The following HNRNPC variants were observed in gnomAD, a reference collection of about 807,000 sequenced individuals.
The protein encoded by HNRNPC is heterogeneous nuclear ribonucleoprotein C.
In HNRNPC, 3 loss-of-function variants were observed where a neutral mutation model predicts 33.2. The ratio of observed to expected loss-of-function variants is 0.09; its 90% confidence interval spans 0.04 to 0.23. The LOEUF is 0.23. Ranked by LOEUF, HNRNPC falls within the 10% of genes least tolerant of loss-of-function variation. The probability of loss-of-function intolerance (pLI) is 1.00; values close to 1 mark genes in which losing one functional copy is unlikely to be tolerated. For synonymous variants in HNRNPC, 121 were observed against 126.7 expected, an observed-to-expected ratio of 0.96 and a Z score of 0.30; for missense variants, 143 against 366.7, an observed-to-expected ratio of 0.39 and a Z score of 4.98.
At chr14:21,225,491 A>G (rs959288641) in intron 5 of HNRNPC, among the ~76,000 whole-genome samples, 1 of 152,022 alleles carries the variant, frequency 6.6e-6, no homozygotes, top group African/African-American at 2.4e-5. Context: ...AGCTGACAGT[A>G]AATCAGTCTC....
At chr14:21,215,233 G>A (rs1041908663) in intron 5 of HNRNPC, among the ~76,000 whole-genome samples, 2 of 152,150 alleles carry the variant, frequency 1.3e-5, no homozygotes, top group African/African-American at 4.8e-5. Flanking sequence ...ATTCACATCT[G>A]AGGAAGTAGT....
chr14:21,247,516 TTTAG>T (rs752073760), intron 2 of HNRNPC, among the ~76,000 whole-genome samples: 27 of 152,178 alleles, frequency 1.8e-4, no homozygotes, highest in Admixed American at 3.3e-4. Flanking sequence ...TATACTCTGG[TTTAG>T]TTTTCTATTT....
At chr14:21,244,413 CTAAT>C (rs1895715278) in intron 2 of HNRNPC, among the ~76,000 whole-genome samples, 1 of 152,212 alleles carries the variant, frequency 6.6e-6, no homozygotes, top group African/African-American at 2.4e-5. Flanking sequence ...ATGTAAAAAA[CTAAT>C]TCATGTCATT....
intron 2 of HNRNPC, among the ~76,000 whole-genome samples, chr14:21,239,898 C>A (rs570045237): frequency 3.9e-5 from 6 of 151,984 alleles, no homozygotes; most frequent in Admixed American, 3.3e-4. Flanking sequence ...ACAAAAAAAG[C>A]GGAAAAATAG....
chr14:21,211,659 C>T, intron 7 of HNRNPC, 93 bp from the exon 8 acceptor site: 2 of 1,475,650 alleles, frequency 1.4e-6, no homozygotes, highest in East Asian at 4.7e-5. Flanking sequence ...CAGCACAAAT[C>T]TAAATCCTCC....
intron 2 of HNRNPC, among the ~76,000 whole-genome samples, chr14:21,235,855 GA>G (rs1417845004): frequency 1.3e-5 from 2 of 152,016 alleles, no homozygotes; most frequent in African/African-American, 4.8e-5. Flanking sequence ...GGTTTAATGA[GA>G]AGAAATTACC....
At chr14:21,228,761 T>C (rs1257901660) in intron 5 of HNRNPC, among the ~76,000 whole-genome samples, 1 of 151,932 alleles carries the variant, frequency 6.6e-6, no homozygotes, top group African/African-American at 2.4e-5. Context: ...AACTCCTTAG[T>C]TTTCAAAATG....
intron 2 of HNRNPC, among the ~76,000 whole-genome samples, chr14:21,238,559 A>T (rs1463313030): frequency 6.6e-6 from 1 of 152,216 alleles, no homozygotes; most frequent in Non-Finnish European, 1.5e-5. Context: ...ATTCCTTAAA[A>T]CAGAAAATCC....
intron 6 of HNRNPC, among the ~76,000 whole-genome samples, chr14:21,212,366 A>T (rs1313660686): frequency 1.3e-5 from 2 of 151,658 alleles, no homozygotes; most frequent in African/African-American, 4.8e-5. Context: ...TAGAAAAGTT[A>T]AAAAAAATCA....
chr14:21,222,765 G>A (rs1172994198), intron 5 of HNRNPC, among the ~76,000 whole-genome samples: 1 of 152,046 alleles, frequency 6.6e-6, no homozygotes, highest in Non-Finnish European at 1.5e-5. Flanking sequence ...CTTGTGGCAG[G>A]CGCCTGTAGT....
rs542317732 is a variant in HNRNPC, at chr14:21,209,258, C to G, written c.*1965G>C. 7.2e-5 allele frequency: 11 copies of G among 152,236 alleles called. No homozygotes were observed. Among genetic ancestry groups the G allele is most frequent in the African/African-American group, 2.4e-4 (10 of 41,560 alleles). 9.4% of individuals were successfully genotyped at this position (152,236 alleles called of 1,614,324 possible). ...TTTATGTAAGGGACTTGAACATCTG[C>G]AGATTGTGGTGTTCACAGCTAAACA... On this transcript the variant is annotated 3_prime_UTR_variant, in exon 9 of 9. Transcript: ENST00000553300.
In HNRNPC at chr14:21,238,965, A is replaced by G. The variant is rs534446071; in HGVS notation, c.-36-4736T>C. ...AACATGGTGAAACCCCATCTCTACT[A>G]AAAATACAAAAATCAGCCATGCGTG... is the stretch of plus-strand genomic sequence containing the variant. On this transcript the variant is annotated intron_variant, in intron 2 of 8. Transcript: ENST00000553300. Among the ~76,000 whole-genome samples, 4 of 152,240 alleles carry G rather than the reference A, an allele frequency of 2.6e-5. No individual in the cohort carries two copies. In the East Asian group the frequency reaches 5.8e-4, roughly 22 times the overall value.
rs868159654 is a variant in HNRNPC, at chr14:21,209,781, G to A, written c.*1442C>T. On this transcript the variant is annotated 3_prime_UTR_variant, in exon 9 of 9. Transcript: ENST00000553300. ...GTTTGTGTGCACAAAAATTATAAGC[G>A]GCATTTTCTGCTATGCTGGAAAAAC... is the stretch of plus-strand genomic sequence containing the variant. The A allele has an allele frequency of 1.3e-5, 2 of 152,056 alleles. No homozygotes were observed. The highest frequency in any genetic ancestry group is 4.8e-5 in the African/African-American group (2 of 41,382). 9.4% of individuals were successfully genotyped at this position (152,056 alleles called of 1,614,324 possible). A position where few individuals can be genotyped will look rare whatever the true frequency, so the allele number is the denominator to read the frequency against.
At chr14:21,240,965 T>C (rs559830723) in intron 2 of HNRNPC, among the ~76,000 whole-genome samples, 2 of 152,246 alleles carry the variant, frequency 1.3e-5, no homozygotes, top group East Asian at 1.9e-4. Flanking sequence ...TTTCCTTTAT[T>C]ACTGTATCTT....
chr14:21,226,921 C>T (rs971782263), intron 5 of HNRNPC, among the ~76,000 whole-genome samples: 4 of 144,786 alleles, frequency 2.8e-5, no homozygotes, highest in Admixed American at 7.0e-5. Context: ...GTGATTTTTA[C>T]TCCGATTTAC....
intron 1 of HNRNPC, among the ~76,000 whole-genome samples, chr14:21,268,952 G>C (rs1049151660): frequency 6.6e-6 from 1 of 151,894 alleles, no homozygotes; most frequent in Non-Finnish European, 1.5e-5. Context: ...AGAAGGCATC[G>C]GCGCTACGTT....
rs191889933 is a variant in HNRNPC at position 21,268,686 on chromosome 14, G to A, written c.-63+612C>T. Reference sequence around the variant, plus strand: ...TTTGTAACCTGCAGATGAAAAGTCAGCTGTAAATATTAATATAGTTATATC... The same window carrying A: ...TTTGTAACCTGCAGATGAAAAGTCAACTGTAAATATTAATATAGTTATATC... On this transcript the variant is annotated intron_variant, in intron 1 of 8. Transcript: ENST00000553300. The A allele has an allele frequency of 1.1e-4, 16 of 152,282 alleles. No individual in the cohort carries two copies. The East Asian group carries it at 3.1e-3, about 29-fold the overall frequency. 9.4% of individuals were successfully genotyped at this position (152,282 alleles called of 1,614,324 possible).
At chr14:21,239,508 C>T (rs1008958990) in intron 2 of HNRNPC, among the ~76,000 whole-genome samples, 3 of 151,682 alleles carry the variant, frequency 2.0e-5, no homozygotes, top group South Asian at 2.1e-4. Flanking sequence ...CAAATGAGAA[C>T]CTTAGGTGCT....
chr14:21,233,728 G>A (rs1281636794), intron 3 of HNRNPC, among the ~76,000 whole-genome samples: 1 of 152,052 alleles, frequency 6.6e-6, no homozygotes, highest in Non-Finnish European at 1.5e-5. Flanking sequence ...CCCTACTCAC[G>A]ATTGTAGTAG....
Sources: allele counts gnomAD v4.1 joint callset (sites outside exome capture counted in the v4.1 genomes callset), GRCh38; gene constraint gnomAD v4.1.1; transcripts MANE v1.5; gene names NCBI Gene and HGNC (gene_info 2026-07-23, HGNC 2026-07-21).